Variants in FRYL observed in about 807,000 individuals in gnomAD.
FRYL encodes protein furry homolog-like.
Under a neutral mutation model 351.2 loss-of-function variants are expected in FRYL, and 150 were observed. The ratio of observed to expected loss-of-function variants is 0.43; its 90% confidence interval spans 0.37 to 0.49. The LOEUF (loss-of-function observed/expected upper bound fraction) is 0.49. Among genes scored for constraint, FRYL ranks in the 20% least tolerant of loss-of-function variants. The pLI is 0.00. For missense variants in FRYL, 3,036 were observed against 3,619.3 expected (o/e 0.84, Z 4.13); for synonymous variants, 1,153 against 1,257.1 (o/e 0.92, Z 1.75).
At chr4:48,636,207 T>C (rs923203235) in intron 3 of FRYL, among the ~76,000 whole-genome samples, 4 of 152,082 alleles carry the variant, frequency 2.6e-5, no homozygotes, top group African/African-American at 9.7e-5. Flanking sequence ...TGATCCAACA[T>C]TGTGTATTAT....
chr4:48,750,526 T>C (rs1384321575), intron 1 of FRYL, among the ~76,000 whole-genome samples: 2 of 152,112 alleles, frequency 1.3e-5, no homozygotes, highest in African/African-American at 2.4e-5. Flanking sequence ...CACTGTTCTA[T>C]TGCAGTACCC....
intron 23 of FRYL, among the ~76,000 whole-genome samples, chr4:48,576,809 CA>C (rs1739717854): frequency 1.3e-5 from 2 of 152,070 alleles, no homozygotes; most frequent in South Asian, 4.2e-4. Flanking sequence ...AGAAAGAAAA[CA>C]AAATCAAAAT....
At position 48,582,683 on chromosome 4, in the gene FRYL, C is replaced by T. The variant is rs771477175; in HGVS notation, c.1800G>A (p.Leu600=). The change falls in exon 20 of 64, where the codon CTG becomes CTA. Residue 600 remains leucine (L), a synonymous_variant. Coordinates refer to ENST00000358350, the MANE Select transcript of FRYL (RefSeq NM_015030.2). ...EELRALAFNT[L]QALMLDFPDW... The stretch of plus-strand genomic sequence containing the variant: ...CTGGAAAATCAAGCATTAGTGCCTG[C>T]AGAGTATTGAAAGCCAGAGCACGCA... 1 of 1,614,136 alleles carries T rather than the reference C, an allele frequency of 6.2e-7. No homozygotes were observed. Among genetic ancestry groups the T allele is most frequent in the Non-Finnish European group, 8.5e-7 (1 of 1,179,998 alleles).
chr4:48,640,086 A>G (rs918384137), intron 3 of FRYL, among the ~76,000 whole-genome samples: 6 of 152,160 alleles, frequency 3.9e-5, no homozygotes, highest in African/African-American at 7.2e-5. Context: ...AGACACTTTA[A>G]AAGATATTTT....
intron 55 of FRYL, among the ~76,000 whole-genome samples, chr4:48,519,871 C>G (rs1724528134): frequency 6.6e-6 from 1 of 152,092 alleles, no homozygotes; most frequent in African/African-American, 2.4e-5. Flanking sequence ...GTAGCTGGGA[C>G]TACACGTGTG....
chr4:48,515,004 GT>G (rs748939292), intron 56 of FRYL, 23 bp downstream of exon 56: 56 of 1,597,914 alleles, frequency 3.5e-5, no homozygotes, highest in Non-Finnish European at 4.2e-5. Flanking sequence ...CCTCACTACA[GT>G]GTTTATGATA....
At chr4:48,734,484 C>G (rs1187742990) in intron 1 of FRYL, among the ~76,000 whole-genome samples, 1 of 152,120 alleles carries the variant, frequency 6.6e-6, no homozygotes, top group Non-Finnish European at 1.5e-5. Context: ...ATTCCTCTAT[C>G]AGAAGCAAAC....
chr4:48,525,329 T>C (rs1725863372), intron 53 of FRYL, among the ~76,000 whole-genome samples: 1 of 152,068 alleles, frequency 6.6e-6, no homozygotes. Flanking sequence ...AATTGTGTCT[T>C]TGGGAAAATG....
At chr4:48,677,617 G>A (rs1292647881) in intron 3 of FRYL, among the ~76,000 whole-genome samples, 1 of 152,044 alleles carries the variant, frequency 6.6e-6, no homozygotes, top group Non-Finnish European at 1.5e-5. Context: ...TGCCATGTTG[G>A]CCAGACTGAT....
At chr4:48,581,958 C>T (rs1741022206) in intron 20 of FRYL, among the ~76,000 whole-genome samples, 1 of 152,178 alleles carries the variant, frequency 6.6e-6, no homozygotes, top group Admixed American at 6.5e-5. Flanking sequence ...CTGAGAGCTT[C>T]TAAGAAACTC....
intron 1 of FRYL, among the ~76,000 whole-genome samples, chr4:48,724,066 G>A (rs1177074855): frequency 2.6e-5 from 4 of 151,682 alleles, no homozygotes; most frequent in East Asian, 1.9e-4. Context: ...AGGTCCAGAC[G>A]TTAGTAAGCC....
At chr4:48,564,545 AG>A (rs1736313071) in intron 30 of FRYL, among the ~76,000 whole-genome samples, 1 of 152,202 alleles carries the variant, frequency 6.6e-6, no homozygotes, top group African/African-American at 2.4e-5. Flanking sequence ...AGGAAGGCAG[AG>A]TGTGGAGGGC....
At chr4:48,769,402 T>C (rs1188419898) in intron 1 of FRYL, among the ~76,000 whole-genome samples, 1 of 152,116 alleles carries the variant, frequency 6.6e-6, no homozygotes, top group African/African-American at 2.4e-5. Context: ...CTAGAACAGT[T>C]AAAATATAAA....
intron 1 of FRYL, among the ~76,000 whole-genome samples, chr4:48,769,282 T>TAA (rs1334798415): frequency 6.6e-6 from 1 of 152,150 alleles, no homozygotes; most frequent in African/African-American, 2.4e-5. Flanking sequence ...CTAGAATATA[T>TAA]AAAGAATCCT....
chr4:48,548,355 T>A (rs1270997228), intron 40 of FRYL, among the ~76,000 whole-genome samples: 1 of 152,206 alleles, frequency 6.6e-6, no homozygotes, highest in East Asian at 1.9e-4. Context: ...AACTTTTCAT[T>A]CACTCTGAAA....
intron 3 of FRYL, among the ~76,000 whole-genome samples, chr4:48,670,617 C>A (rs1762503730): frequency 6.6e-6 from 1 of 152,006 alleles, no homozygotes; most frequent in African/African-American, 2.4e-5. Context: ...CTTTTCCCAG[C>A]CTCTGGTAAC....
chr4:48,583,315 C>A (rs1489520987), intron 19 of FRYL, among the ~76,000 whole-genome samples: 2 of 152,068 alleles, frequency 1.3e-5, no homozygotes, highest in Admixed American at 1.3e-4. Flanking sequence ...CCACACCCAG[C>A]TAATTTTTTG....
chr4:48,760,983 C>T (rs1263577048), intron 1 of FRYL, among the ~76,000 whole-genome samples: 2 of 149,734 alleles, frequency 1.3e-5, no homozygotes, highest in Non-Finnish European at 1.5e-5. Context: ...CGGCCACCCT[C>T]GCTACTCTCT....
intron 2 of FRYL, among the ~76,000 whole-genome samples, chr4:48,701,073 T>C (rs772799281): frequency 2.0e-5 from 3 of 152,218 alleles, no homozygotes; most frequent in Admixed American, 6.5e-5. Context: ...TTAGTTAATA[T>C]TATTGAAACA....
Sources: allele counts gnomAD v4.1 joint callset (sites outside exome capture counted in the v4.1 genomes callset), GRCh38; gene constraint gnomAD v4.1.1; transcripts MANE v1.5; gene names NCBI Gene and HGNC (gene_info 2026-07-23, HGNC 2026-07-21).